NCR2: variants seen among roughly 807,000 people sequenced by gnomAD.
NCR2 encodes the protein natural cytotoxicity triggering receptor 2.
A neutral mutation model predicts 30.7 loss-of-function variants in NCR2; 35 were observed. That is an observed-to-expected ratio of 1.14 (90% CI 0.87 to 1.51). NCR2 has a LOEUF of 1.51. Ranked by LOEUF, NCR2 falls within the 40% of genes most tolerant of loss-of-function variation. NCR2 has a pLI of 0.00. For synonymous variants in NCR2, 146 were observed against 134.8 expected (o/e 1.08, Z -0.58); for missense variants, 316 against 328.9 (o/e 0.96, Z 0.30).
intron 4 of NCR2, among the ~76,000 whole-genome samples, chr6:41,344,627 T>C (rs985482121): frequency 6.6e-6 from 1 of 152,270 alleles, no homozygotes; most frequent in Non-Finnish European, 1.5e-5. Flanking sequence ...TAGCACAGCA[T>C]GTTTTATTTT....
intron 4 of NCR2, among the ~76,000 whole-genome samples, chr6:41,346,453 C>G (rs1769302458): frequency 6.6e-6 from 1 of 152,166 alleles, no homozygotes; most frequent in African/African-American, 2.4e-5. Context: ...CCGCCCCTTT[C>G]CGCCATCTCA....
intron 3 of NCR2, 41 bp from the exon 4 acceptor site, chr6:41,341,995 C>G (rs1188345817): frequency 6.2e-6 from 10 of 1,612,816 alleles, no homozygotes; most frequent in Non-Finnish European, 8.5e-6. Flanking sequence ...GACTTGCCTC[C>G]CCAGCCCGTC....
Position 41,339,390 on chromosome 6 carries a change from ATTG to A in NCR2, c.395-2395_395-2393del, listed in dbSNP as rs1363156204. ...GCCACTTGTTTTTGTTGTTGTTGTT[ATTG>A]TTGTTGTTTTGAGACAGAGTCTCAC... On this transcript the variant is annotated intron_variant, in intron 2 of 4. Coordinates refer to ENST00000373089, the MANE Select transcript of NCR2 (RefSeq NM_004828.4). 7.8e-5 allele frequency among the ~76,000 whole-genome samples: 11 copies of A among 140,344 alleles called. No homozygotes were observed. The East Asian group carries it at 2.2e-3, about 28-fold the overall frequency. 92.1% of individuals were successfully genotyped at this position (140,344 alleles called of 152,430 possible). A position where few individuals can be genotyped will look rare whatever the true frequency, so the allele number is the denominator to read the frequency against.
At position 41,347,387 on chromosome 6, in the gene NCR2, A is replaced by G. The variant is rs546097158; in HGVS notation, c.645-3291A>G. Among the ~76,000 whole-genome samples, 24 of 152,296 alleles carry G rather than the reference A, an allele frequency of 1.6e-4. No homozygotes were observed. The South Asian group carries it at 4.8e-3, about 30-fold the overall frequency. On this transcript the variant is annotated intron_variant, in intron 4 of 4. Coordinates refer to ENST00000373089, the MANE Select transcript of NCR2 (RefSeq NM_004828.4). Reference sequence around the variant, plus strand: ...TTATTGTCCTCTGCAGCAAGGGCCCATGAAAGGACTGGCTGCACCATCAGC... The same window carrying G: ...TTATTGTCCTCTGCAGCAAGGGCCCGTGAAAGGACTGGCTGCACCATCAGC...
intron 4 of NCR2, among the ~76,000 whole-genome samples, chr6:41,346,666 A>T (rs984342349): frequency 4.6e-5 from 7 of 152,132 alleles, no homozygotes; most frequent in African/African-American, 1.7e-4. Context: ...ACAATCTATC[A>T]TCCCGAAATG....
At chr6:41,337,347 G>C (rs970070714) in intron 2 of NCR2, among the ~76,000 whole-genome samples, 13 of 152,168 alleles carry the variant, frequency 8.5e-5, no homozygotes, top group Non-Finnish European at 1.9e-4. Flanking sequence ...TTGTTCATTT[G>C]AAAGTGTGCC....
chr6:41,339,417 A>C (rs1036691679), intron 2 of NCR2, among the ~76,000 whole-genome samples: 1 of 146,328 alleles, frequency 6.8e-6, no homozygotes, highest in African/African-American at 2.6e-5. Context: ...ACAGAGTCTC[A>C]CTCAGTCACC....
intron 4 of NCR2, 112 bp downstream of exon 4, chr6:41,342,261 GC>G: frequency 1.4e-6 from 2 of 1,419,510 alleles, no homozygotes; most frequent in East Asian, 4.7e-5. Context: ...ATTATAATCG[GC>G]AGAGCTCTCC....
chr6:41,340,547 T>C (rs1561941982), intron 2 of NCR2, among the ~76,000 whole-genome samples: 1 of 152,164 alleles, frequency 6.6e-6, no homozygotes, highest in Admixed American at 6.5e-5. Context: ...TATTCGACCC[T>C]CCATGCTAAT....
chr6:41,338,562 C>A (rs1769088248), intron 2 of NCR2, among the ~76,000 whole-genome samples: 1 of 152,180 alleles, frequency 6.6e-6, no homozygotes, highest in Non-Finnish European at 1.5e-5. Context: ...ATAATATAAC[C>A]TTCATAGTTT....
At position 41,339,387 on chromosome 6, in the gene NCR2, G is replaced by A. The variant is rs927048013; in HGVS notation, c.395-2407G>A. On this transcript the variant is annotated intron_variant, in intron 2 of 4. Coordinates refer to ENST00000373089, the MANE Select transcript of NCR2 (RefSeq NM_004828.4). The stretch of plus-strand genomic sequence containing the variant: ...TATGCCACTTGTTTTTGTTGTTGTT[G>A]TTATTGTTGTTGTTTTGAGACAGAG... Among the ~76,000 whole-genome samples, 4 of 146,624 alleles carry A rather than the reference G, an allele frequency of 2.7e-5. No homozygotes were observed. In the South Asian group the frequency reaches 6.5e-4, roughly 24 times the overall value.
chr6:41,344,359 G>A (rs1002713872), intron 4 of NCR2, among the ~76,000 whole-genome samples: 1 of 152,154 alleles, frequency 6.6e-6, no homozygotes, highest in Non-Finnish European at 1.5e-5. Context: ...CCACATTCAA[G>A]ATCACTCCGT....
chr6:41,350,656 T>A, intron 4 of NCR2, 22 bp from the exon 5 acceptor site: 1 of 1,606,238 alleles, frequency 6.2e-7, no homozygotes, highest in East Asian at 2.2e-5. Context: ...ACCACCTTCC[T>A]GGTTTCCTGC....
intron 2 of NCR2, among the ~76,000 whole-genome samples, chr6:41,340,105 A>G (rs2114052378): frequency 6.6e-6 from 1 of 152,002 alleles, no homozygotes; most frequent in Admixed American, 6.5e-5. Flanking sequence ...AAAATTATAC[A>G]TCTTTCGAGA....
chr6:41,342,846 C>A (rs773539271), intron 4 of NCR2: 11 of 1,350,430 alleles, frequency 8.1e-6, no homozygotes, highest in Non-Finnish European at 1.1e-5. Context: ...GGAGGAGGGG[C>A]AGGCTTGGGG....
chr6:41,336,025 G>C, intron 1 of NCR2, 62 bp from the exon 2 acceptor site: 1 of 1,588,360 alleles, frequency 6.3e-7, no homozygotes, highest in South Asian at 1.2e-5. Flanking sequence ...GTGGCCAGAG[G>C]CCTGCTGTGA....
intron 4 of NCR2, chr6:41,343,158 G>A: frequency 2.6e-6 from 2 of 767,542 alleles, no homozygotes; most frequent in Non-Finnish European, 4.2e-6. Flanking sequence ...CAGAGCTGCA[G>A]AACCCAGGCC....
In NCR2 at chr6:41,336,291, A is replaced by T; in HGVS notation, c.257A>T (p.Asp86Val). 1.2e-6 allele frequency: 2 copies of T among 1,614,076 alleles called. No homozygotes were observed. Among genetic ancestry groups the T allele is most frequent in the Non-Finnish European group, 1.7e-6 (2 of 1,180,020 alleles). ...ACCTCTCGATTCACAATCTGGGACGACCCTGATGCTGGCTTCTTCACTGTC... is the reference window on the plus strand; with the variant it reads ...ACCTCTCGATTCACAATCTGGGACGTCCCTGATGCTGGCTTCTTCACTGTC... The part of the protein sequence containing the change: ...AWTSRFTIWD[D>V]PDAGFFTVTM... The change falls in exon 2 of 5, where the codon GAC (aspartate) becomes GTC (valine). Residue 86 changes from aspartate to valine, a missense_variant. By Grantham distance (152) the Asp-to-Val change is radical (BLOSUM62 -3). Coordinates refer to ENST00000373089, the MANE Select transcript of NCR2 (RefSeq NM_004828.4).
intron 2 of NCR2, among the ~76,000 whole-genome samples, chr6:41,337,125 T>C (rs9471580): frequency 0.12 from 18,615 of 152,154 alleles, 1,622 homozygotes; most frequent in East Asian, 0.31. Context: ...CCACAGTTCC[T>C]GTGGAAGAGG....
Sources: allele counts gnomAD v4.1 joint callset (sites outside exome capture counted in the v4.1 genomes callset), GRCh38; gene constraint gnomAD v4.1.1; transcripts MANE v1.5; gene names NCBI Gene and HGNC (gene_info 2026-07-23, HGNC 2026-07-21).